Variants in KYNU observed in about 807,000 individuals in gnomAD.
KYNU encodes the protein kynureninase.
KYNU carries 54 observed loss-of-function variants against 59.2 expected under a neutral mutation model. The ratio of observed to expected loss-of-function variants is 0.91; its 90% confidence interval spans 0.73 to 1.14. KYNU has a LOEUF of 1.14. Ranked by LOEUF, KYNU falls within the 50% of genes most tolerant of loss-of-function variation. The probability of loss-of-function intolerance (pLI) is 0.00; values close to 1 mark genes in which losing one functional copy is unlikely to be tolerated. For synonymous variants in KYNU, 177 were observed against 192.0 expected (o/e 0.92, Z 0.65); for missense variants, 567 against 554.4 (o/e 1.02, Z -0.23).
chr2:142,879,161 G>C (rs931819575), intron 1 of KYNU, among the ~76,000 whole-genome samples: 1 of 152,174 alleles, frequency 6.6e-6, no homozygotes, highest in African/African-American at 2.4e-5. Context: ...AGCTGCTGGG[G>C]TGAATGCAGA....
intron 10 of KYNU, among the ~76,000 whole-genome samples, chr2:143,013,406 A>G (rs1205302368): frequency 6.6e-6 from 1 of 151,948 alleles, no homozygotes; most frequent in Non-Finnish European, 1.5e-5. Context: ...GCTGCAGTGA[A>G]CAAAGGAGTG....
chr2:142,927,181 C>A (rs1683070080), intron 3 of KYNU, among the ~76,000 whole-genome samples: 1 of 152,064 alleles, frequency 6.6e-6, no homozygotes, highest in African/African-American at 2.4e-5. Context: ...TTGTTATTTA[C>A]CTATAAAATG....
intron 10 of KYNU, among the ~76,000 whole-genome samples, chr2:143,012,855 T>C (rs1686149606): frequency 3.3e-5 from 5 of 152,228 alleles, no homozygotes; most frequent in Admixed American, 3.3e-4. Context: ...CTGTCTGCAT[T>C]TTCTTCCCTC....
Position 142,954,861 on chromosome 2 carries a change from A to G in KYNU, c.425A>G (p.His142Arg), listed in dbSNP as rs776435144. ...ALMNALTVNL[H>R]LLMLSFFKPT... is the part of the protein sequence containing the mutation. ...ATGAATGCTTTGACTGTAAATTTAC[A>G]TCTTCTAATGGTAAGTTTTCTTTCC... The change falls in exon 5 of 14, where the codon CAT becomes CGT. Residue 142 changes from histidine (H) to arginine (R), a missense_variant. By Grantham distance (29) the His-to-Arg change is conservative. Coordinates refer to ENST00000264170, the MANE Select transcript of KYNU (RefSeq NM_003937.3). 10 of 1,590,226 alleles carry G rather than the reference A, an allele frequency of 6.3e-6. No homozygotes were observed. The East Asian group carries it at 6.7e-5, about 11-fold the overall frequency.
chr2:142,955,010 T>C lies in KYNU; in HGVS notation c.435+139T>C, dbSNP rs150710812. The C allele has an allele frequency of 6.4e-3, 4,119 of 639,926 alleles. 25 individuals carry two copies. Among genetic ancestry groups the C allele is most frequent in the Middle Eastern group, 0.022 (51 of 2,314 alleles). The allele number at this position is 639,926 out of a possible 1,614,324, so 39.6% of individuals were successfully genotyped here. On this transcript the variant is annotated intron_variant, in intron 5 of 13. Transcript: ENST00000264170. ...GGTTATTTTCATTTTTACTAGGAAA[T>C]GCTGGACCATGATATAATAGCTTCT...
chr2:142,999,074 C>T (rs1289696710), intron 10 of KYNU, among the ~76,000 whole-genome samples: 4 of 150,778 alleles, frequency 2.7e-5, no homozygotes, highest in East Asian at 3.9e-4. Flanking sequence ...TCTAGTCTAT[C>T]CTAGCCTAGC....
At chr2:143,032,105 A>G (rs1437499644) in intron 11 of KYNU, among the ~76,000 whole-genome samples, 6 of 151,790 alleles carry the variant, frequency 4.0e-5, no homozygotes, top group East Asian at 1.9e-4. Context: ...GTGAAACCCC[A>G]TCTCTACTAA....
intron 10 of KYNU, among the ~76,000 whole-genome samples, chr2:143,020,243 A>G (rs1400018473): frequency 6.6e-6 from 1 of 151,744 alleles, no homozygotes; most frequent in African/African-American, 2.4e-5. Flanking sequence ...TCTACTTTCT[A>G]CTTTTTTGAT....
At chr2:143,035,271 A>G (rs964740463) in intron 12 of KYNU, among the ~76,000 whole-genome samples, 1 of 152,236 alleles carries the variant, frequency 6.6e-6, no homozygotes, top group African/African-American at 2.4e-5. Flanking sequence ...CCTAAAAGCC[A>G]CAAGAAGAAT....
intron 10 of KYNU, among the ~76,000 whole-genome samples, chr2:142,992,625 T>C (rs1256444483): frequency 6.6e-6 from 1 of 151,910 alleles, no homozygotes; most frequent in African/African-American, 2.4e-5. Context: ...TATATGTGTG[T>C]GTATACATAC....
chr2:142,927,765 T>C, intron 4 of KYNU, 24 bp downstream of exon 4: 1 of 1,473,920 alleles, frequency 6.8e-7, no homozygotes, highest in Non-Finnish European at 9.5e-7. Flanking sequence ...ACTGAAGTTT[T>C]TCCAAATGAA....
intron 10 of KYNU, among the ~76,000 whole-genome samples, chr2:143,019,531 T>A (rs1243015890): frequency 6.6e-6 from 1 of 152,142 alleles, no homozygotes; most frequent in Non-Finnish European, 1.5e-5. Context: ...ATAATCTTTT[T>A]AATGTGTTGT....
At position 142,929,007 on chromosome 2, in the gene KYNU, C is replaced by CAAAAA. The variant is rs761809423; in HGVS notation, c.373+1280_373+1284dup. Among the ~76,000 whole-genome samples the CAAAAA allele has an allele frequency of 5.0e-4, 24 of 48,418 alleles. 2 individuals carry two copies. The highest frequency in any genetic ancestry group is 1.0e-3 in the African/African-American group (10 of 9,756). 31.8% of individuals were successfully genotyped at this position (48,418 alleles called of 152,430 possible). A position where few individuals can be genotyped will look rare whatever the true frequency, so the allele number is the denominator to read the frequency against. ...TGGACGACAGGGTGACACCCTGTCT[C>CAAAAA]AAAAAAAAAAAAAAAAAACAAAAAA... On this transcript the variant is annotated intron_variant, in intron 4 of 13. Coordinates refer to ENST00000264170, the MANE Select transcript of KYNU (RefSeq NM_003937.3).
rs1178261924 is a variant in KYNU, at chr2:143,011,431, G to A, written c.903-18196G>A. ...GGAAACAACAGGTGCTGGAGAGGATGTGGAGAAACAGGAACACTTTTACAC... is the reference window on the plus strand; with the variant it reads ...GGAAACAACAGGTGCTGGAGAGGATATGGAGAAACAGGAACACTTTTACAC... On this transcript the variant is annotated intron_variant, in intron 10 of 13. Transcript: ENST00000264170. Among the ~76,000 whole-genome samples, 7 of 132,646 alleles carry A rather than the reference G, an allele frequency of 5.3e-5. 1 individual carries two copies. In the East Asian group the frequency reaches 1.6e-3, roughly 30 times the overall value. 87.0% of individuals were successfully genotyped at this position (132,646 alleles called of 152,430 possible). A position where few individuals can be genotyped will look rare whatever the true frequency, so the allele number is the denominator to read the frequency against.
intron 10 of KYNU, among the ~76,000 whole-genome samples, chr2:143,006,966 A>G (rs1412032276): frequency 1.3e-5 from 2 of 151,694 alleles, no homozygotes; most frequent in African/African-American, 4.9e-5. Context: ...AAAAAACAGA[A>G]CAGAAAAACT....
At chr2:142,912,124 G>A (rs1682499316) in intron 2 of KYNU, among the ~76,000 whole-genome samples, 1 of 152,024 alleles carries the variant, frequency 6.6e-6, no homozygotes, top group Non-Finnish European at 1.5e-5. Flanking sequence ...AGCAGTGTTG[G>A]TACCAGCTCT....
At chr2:143,024,460 A>G (rs1440329120) in intron 10 of KYNU, among the ~76,000 whole-genome samples, 1 of 152,034 alleles carries the variant, frequency 6.6e-6, no homozygotes, top group African/African-American at 2.4e-5. Context: ...TATTAGCTGA[A>G]CACTTGCTTG....
intron 12 of KYNU, among the ~76,000 whole-genome samples, chr2:143,037,912 C>A (rs1686932281): frequency 6.6e-6 from 1 of 151,960 alleles, no homozygotes; most frequent in Non-Finnish European, 1.5e-5. Context: ...ATGCAGTTGC[C>A]CTTATTGTGG....
At chr2:142,978,265 T>C (rs75694114) in intron 8 of KYNU, among the ~76,000 whole-genome samples, 2,504 of 151,568 alleles carry the variant, frequency 0.017, 70 homozygotes, top group African/African-American at 0.058. Context: ...TATACCGTTT[T>C]CTTTTTTTCG....
Sources: allele counts gnomAD v4.1 joint callset (sites outside exome capture counted in the v4.1 genomes callset), GRCh38; gene constraint gnomAD v4.1.1; transcripts MANE v1.5; gene names NCBI Gene and HGNC (gene_info 2026-07-23, HGNC 2026-07-21).